NDOR1: variants seen among roughly 807,000 people sequenced by gnomAD.
NDOR1 encodes NADPH dependent diflavin oxidoreductase 1, also known as NADPH-dependent diflavin oxidoreductase 1.
Under a neutral mutation model 67.2 loss-of-function variants are expected in NDOR1, and 61 were observed. The ratio of observed to expected loss-of-function variants is 0.91; its 90% confidence interval spans 0.74 to 1.12. NDOR1 has a LOEUF of 1.12. Ranked by LOEUF, NDOR1 falls within the 50% of genes most tolerant of loss-of-function variation. NDOR1 has a pLI of 0.00. For synonymous variants in NDOR1, 378 were observed against 343.7 expected, an observed-to-expected ratio of 1.10 and a Z score of -1.10; for missense variants, 878 against 802.8, an observed-to-expected ratio of 1.09 and a Z score of -1.13.
intron 2 of NDOR1, among the ~76,000 whole-genome samples, chr9:137,208,561 G>A (rs555405054): frequency 4.9e-4 from 74 of 152,240 alleles, no homozygotes; most frequent in African/African-American, 1.6e-3. Flanking sequence ...CGTTTGCCGG[G>A]CACAGTGGCT....
chr9:137,214,002 T>C lies in NDOR1; in HGVS notation c.446T>C (p.Leu149Ser). ...DAAVDPWLRD[L>S]WDRVLGLYPP... The stretch of plus-strand genomic sequence containing the variant: ...GCTGTGGACCCCTGGCTGCGAGACT[T>C]GTGGGACAGGGTTCTGGGGCTGTAC... Residue 149 changes from leucine to serine, a missense_variant, in exon 5 of 14, where the codon TTG becomes TCG. Transcript: ENST00000684003. 6.4e-7 allele frequency: 1 copy of C among 1,554,266 alleles called. No individual in the cohort carries two copies. The highest frequency in any genetic ancestry group is 8.7e-7 in the Non-Finnish European group (1 of 1,150,772).
At chr9:137,205,944 A>C (rs1283030591) in intron 1 of NDOR1, 32 bp downstream of exon 1, 3 of 1,557,364 alleles carry the variant, frequency 1.9e-6, no homozygotes, top group Non-Finnish European at 1.7e-6. Context: ...GGCGTGGGGG[A>C]CGAGCAGGCC....
chr9:137,207,706 A>G (rs892879448), intron 2 of NDOR1, among the ~76,000 whole-genome samples: 3 of 152,160 alleles, frequency 2.0e-5, no homozygotes, highest in Non-Finnish European at 4.4e-5. Flanking sequence ...AAATCAGATA[A>G]AGCCTGAGAG....
chr9:137,215,323 C>G (rs754976192), intron 9 of NDOR1, 84 bp from the exon 10 acceptor site: 6 of 1,548,182 alleles, frequency 3.9e-6, no homozygotes, highest in Non-Finnish European at 5.3e-6. Context: ...CGGACTGCCT[C>G]TGCGGGAGGT....
At chr9:137,208,221 A>C (rs539456923) in intron 2 of NDOR1, among the ~76,000 whole-genome samples, 66 of 146,554 alleles carry the variant, frequency 4.5e-4, no homozygotes, top group Admixed American at 2.0e-3. Context: ...AGGCCGAGGC[A>C]GGCAGATCAC....
chr9:137,205,881 G>A lies in NDOR1; in HGVS notation c.104G>A (p.Cys35Tyr). The A allele has an allele frequency of 1.3e-6, 2 of 1,598,348 alleles. No homozygotes were observed. Among genetic ancestry groups the A allele is most frequent in the African/African-American group, 1.3e-5 (1 of 74,934 alleles). The change falls in exon 1 of 14, where the codon TGC becomes TAC. Residue 35 changes from cysteine to tyrosine, a missense_variant. By Grantham distance (194) the Cys-to-Tyr change is radical. Coordinates refer to ENST00000684003, the MANE Select transcript of NDOR1 (RefSeq NM_014434.4). ...GREARRRRLG[C>Y]RVQALDSYPV... ...GAGGCCCGGCGCCGGCGGCTTGGCTGCCGGGTGCAGGCCCTGGACTCCTAC... is the reference window on the plus strand; with the variant it reads ...GAGGCCCGGCGCCGGCGGCTTGGCTACCGGGTGCAGGCCCTGGACTCCTAC...
intron 10 of NDOR1, 49 bp from the exon 11 acceptor site, chr9:137,215,610 C>T (rs1441127292): frequency 3.7e-6 from 6 of 1,600,530 alleles, no homozygotes; most frequent in South Asian, 1.1e-5. Context: ...CCCCAGCAGA[C>T]TCAGCACAGG....
intron 2 of NDOR1, among the ~76,000 whole-genome samples, chr9:137,211,161 T>C (rs1363183536): frequency 6.6e-6 from 1 of 152,106 alleles, no homozygotes; most frequent in Non-Finnish European, 1.5e-5. Flanking sequence ...GAGAAATCCT[T>C]CTAGAAAGTA....
chr9:137,206,412 T>C, intron 2 of NDOR1, 103 bp downstream of exon 2: 3 of 1,204,866 alleles, frequency 2.5e-6, no homozygotes, highest in African/African-American at 1.5e-5. Context: ...CTTTATCTCA[T>C]GCACCTTCAG....
rs112987747 is a variant in NDOR1 at position 137,215,991 on chromosome 9, C to T, written c.1528C>T (p.Leu510Phe). Residue 510 changes from leucine (L) to phenylalanine (F), a missense_variant, in exon 12 of 14, where the codon CTC (leucine) becomes TTC (phenylalanine). By Grantham distance (22) the Leu-to-Phe change is conservative. Coordinates refer to ENST00000684003, the MANE Select transcript of NDOR1 (RefSeq NM_014434.4). ...GCTGGAGAAGCGGGACTGTCTGACC[C>T]TCATCCCTGCCTTCTCCCGGGAACA... ...QELEKRDCLTLIPAFSREQEQ... is the reference protein window; with the variant it reads ...QELEKRDCLTFIPAFSREQEQ... 2 of 1,613,406 alleles carry T rather than the reference C, an allele frequency of 1.2e-6. No individual in the cohort carries two copies. Among genetic ancestry groups the T allele is most frequent in the South Asian group, 1.1e-5 (1 of 91,084 alleles).
Position 137,214,070 on chromosome 9 carries a change from T to A in NDOR1, c.512+2T>A. 2 of 1,538,596 alleles carry A rather than the reference T, an allele frequency of 1.3e-6. No individual in the cohort carries two copies. Among genetic ancestry groups the A allele is most frequent in the Non-Finnish European group, 1.7e-6 (2 of 1,145,902 alleles). ...CACTGAGATCCCTCCCGGAGTCCCG[T>A]GAGTGTGGGCCCCGGGTCACCCACA... On this transcript the variant is annotated splice_donor_variant, in intron 5 of 13. Transcript: ENST00000684003. LOFTEE classifies it high-confidence loss of function.
chr9:137,209,638 AC>A (rs1835153218), intron 2 of NDOR1, among the ~76,000 whole-genome samples: 1 of 152,224 alleles, frequency 6.6e-6, no homozygotes, highest in African/African-American at 2.4e-5. Context: ...CCATAGCTAA[AC>A]CAGAGGACCC....
chr9:137,206,961 G>C (rs957269306), intron 2 of NDOR1, among the ~76,000 whole-genome samples: 28 of 152,098 alleles, frequency 1.8e-4, no homozygotes, highest in African/African-American at 6.8e-4. Context: ...AGATGATTTG[G>C]TTTGTGTGAA....
rs747709310 is a variant in NDOR1, at chr9:137,215,395, C to T, written c.1174-12C>T. The T allele has an allele frequency of 1.1e-5, 18 of 1,605,372 alleles. No homozygotes were observed. Among genetic ancestry groups the T allele is most frequent in the South Asian group, 5.5e-5 (5 of 90,898 alleles). On this transcript the variant is annotated splice_polypyrimidine_tract_variant and intron_variant, in intron 9 of 13. Transcript: ENST00000684003. ...CCTTGTTCCACCACCCCCACCCCGCCGTCCTCCCCAGACTCACCCCTCACG... is the reference window on the plus strand; with the variant it reads ...CCTTGTTCCACCACCCCCACCCCGCTGTCCTCCCCAGACTCACCCCTCACG...
intron 2 of NDOR1, among the ~76,000 whole-genome samples, chr9:137,210,017 C>G (rs533627038): frequency 9.8e-4 from 149 of 152,086 alleles, no homozygotes; most frequent in Non-Finnish European, 1.6e-3. Flanking sequence ...CACTTGAACC[C>G]AGGAAGTGGA....
Position 137,214,066 on chromosome 9 carries a change from C to T in NDOR1, c.510C>T (p.Val170=). ...PPGLTEIPPG[V]PLPSKFTLLF... The stretch of plus-strand genomic sequence containing the variant: ...GCCTCACTGAGATCCCTCCCGGAGT[C>T]CCGTGAGTGTGGGCCCCGGGTCACC... The change falls in exon 5 of 14, where the codon GTC becomes GTT. Residue 170 remains valine, a splice_region_variant and synonymous_variant. Transcript: ENST00000684003. 2 of 1,539,336 alleles carry T rather than the reference C, an allele frequency of 1.3e-6. No individual in the cohort carries two copies. Among genetic ancestry groups the T allele is most frequent in the Non-Finnish European group, 1.7e-6 (2 of 1,146,206 alleles).
rs777608207 is a variant in NDOR1 at position 137,205,741 on chromosome 9, G to A, written c.-37G>A. The A allele has an allele frequency of 2.5e-6, 4 of 1,599,750 alleles. No individual in the cohort carries two copies. The highest frequency in any genetic ancestry group is 4.5e-5 in the East Asian group (2 of 44,774). ...CCCGGCCGGCGGGAACTGCCTTCTA[G>A]TTTTTAGTCTCAGACCAGACCACCG... On this transcript the variant is annotated 5_prime_UTR_variant, in exon 1 of 14. Coordinates refer to ENST00000684003, the MANE Select transcript of NDOR1 (RefSeq NM_014434.4).
At chr9:137,208,283 C>G (rs1835074827) in intron 2 of NDOR1, among the ~76,000 whole-genome samples, 1 of 150,982 alleles carries the variant, frequency 6.6e-6, no homozygotes, top group South Asian at 2.1e-4. Context: ...AACCTCGTCT[C>G]TACTAAAAAT....
At chr9:137,209,318 G>C (rs1410325933) in intron 2 of NDOR1, among the ~76,000 whole-genome samples, 4 of 152,196 alleles carry the variant, frequency 2.6e-5, no homozygotes, top group Non-Finnish European at 5.9e-5. Flanking sequence ...GAGTGGGATG[G>C]AAGAGAAGGG....
Sources: allele counts gnomAD v4.1 joint callset (sites outside exome capture counted in the v4.1 genomes callset), GRCh38; gene constraint gnomAD v4.1.1; transcripts MANE v1.5; gene names NCBI Gene and HGNC (gene_info 2026-07-23, HGNC 2026-07-21).